Variants in TBC1D9 observed in about 807,000 individuals in gnomAD.
The protein encoded by TBC1D9 is TBC1 domain family member 9A.
In TBC1D9, 63 loss-of-function variants were observed where a neutral mutation model predicts 132.0. That is an observed-to-expected ratio of 0.48 (90% CI 0.39 to 0.59). The LOEUF (loss-of-function observed/expected upper bound fraction) is 0.59, where lower values mean the gene tolerates loss of function less well. Among genes scored for constraint, TBC1D9 ranks in the 20% least tolerant of loss-of-function variants. The pLI is 0.00. For synonymous variants in TBC1D9, 610 were observed against 609.9 expected (o/e 1.00, Z 0.00); for missense variants, 1,261 against 1,592.7 (o/e 0.79, Z 3.54).
In TBC1D9 at chr4:140,671,704, G is replaced by GTC. The variant is rs571103034; in HGVS notation, c.1060-779_1060-778insGA. On this transcript the variant is annotated intron_variant, in intron 6 of 20. Transcript: ENST00000442267. ...TGTGTGTGTGTGTGTGTGTGTGTGT[G>GTC]TGTGTGTGTGTGCCGAAGCCTACCA... Among the ~76,000 whole-genome samples the GTC allele has an allele frequency of 6.6e-5, 10 of 151,824 alleles. No individual in the cohort carries two copies. In the South Asian group the frequency reaches 1.5e-3, roughly 22 times the overall value.
chr4:140,642,593 ATCT>A lies in TBC1D9; in HGVS notation c.2338-3168_2338-3166del, dbSNP rs1312906080. On this transcript the variant is annotated intron_variant, in intron 13 of 20. Transcript: ENST00000442267. ...TGCCAACTGCTCCTGGTCGCTGTCC[ATCT>A]TCTTCTTCTTAATCTTCAGCTGACT... The A allele has an allele frequency of 4.9e-5, 44 of 896,254 alleles. No homozygotes were observed. In the Middle Eastern group the frequency reaches 6.7e-4, roughly 14 times the overall value. The allele number at this position is 896,254 out of a possible 1,614,324, so 55.5% of individuals were successfully genotyped here.
intron 1 of TBC1D9, among the ~76,000 whole-genome samples, chr4:140,740,154 C>T (rs1578863513): frequency 6.6e-6 from 1 of 152,132 alleles, no homozygotes; most frequent in African/African-American, 2.4e-5. Flanking sequence ...TCTCTAGACC[C>T]CTGAACTTCA....
chr4:140,730,135 C>T (rs1003038207), intron 1 of TBC1D9, among the ~76,000 whole-genome samples: 7 of 152,236 alleles, frequency 4.6e-5, no homozygotes, highest in African/African-American at 1.7e-4. Context: ...TTGAGTCCCA[C>T]TCTGATTCCA....
Position 140,739,837 on chromosome 4 carries a change from T to A in TBC1D9, c.130+16079A>T, listed in dbSNP as rs565549064. On this transcript the variant is annotated intron_variant, in intron 1 of 20. Coordinates refer to ENST00000442267, the MANE Select transcript of TBC1D9 (RefSeq NM_015130.3). ...AGGCAATAACAAGACCCTATCATAT[T>A]GAAAAAAAAAATTTTTTTTAAACAG... is the stretch of plus-strand genomic sequence containing the variant. Among the ~76,000 whole-genome samples, 4 of 152,128 alleles carry A rather than the reference T, an allele frequency of 2.6e-5. 1 individual carries two copies. The highest frequency in any genetic ancestry group is 9.6e-5 in the African/African-American group (4 of 41,520).
chr4:140,679,113 G>A lies in TBC1D9; in HGVS notation c.680C>T (p.Ser227Phe). Residue 227 changes from serine to phenylalanine, a missense_variant, in exon 5 of 21, where the codon TCC (serine) becomes TTC (phenylalanine). Ser to Phe is a radical substitution (Grantham distance 155). Transcript: ENST00000442267. Reference sequence around the variant, plus strand: ...GAATACAGAGAAGAAATGCTCACTGGACCGTGTGCTCACTTTGATCACATC... The same window carrying A: ...GAATACAGAGAAGAAATGCTCACTGAACCGTGTGCTCACTTTGATCACATC... Reference protein sequence around the residue: ...LPDVIKVSTRSSEHFFSVFLN... With the variant: ...LPDVIKVSTRFSEHFFSVFLN... 6.2e-7 allele frequency: 1 copy of A among 1,613,912 alleles called. No individual in the cohort carries two copies. Among genetic ancestry groups the A allele is most frequent in the African/African-American group, 1.3e-5 (1 of 75,022 alleles).
intron 3 of TBC1D9, among the ~76,000 whole-genome samples, chr4:140,680,838 C>T (rs546551680): frequency 6.6e-6 from 1 of 152,266 alleles, no homozygotes; most frequent in East Asian, 1.9e-4. Context: ...CTAGTGCATC[C>T]TTGATGCTCC....
chr4:140,650,025 A>T (rs1183649947), intron 13 of TBC1D9, among the ~76,000 whole-genome samples: 1 of 152,208 alleles, frequency 6.6e-6, no homozygotes, highest in Non-Finnish European at 1.5e-5. Context: ...TCTTTTGTCT[A>T]CCAGAAAGGG....
chr4:140,751,702 T>C (rs1189372079), intron 1 of TBC1D9, among the ~76,000 whole-genome samples: 1 of 152,198 alleles, frequency 6.6e-6, no homozygotes, highest in African/African-American at 2.4e-5. Context: ...ACAGTAGGCT[T>C]ATACCCAGAA....
chr4:140,660,938 G>A (rs933361712), intron 10 of TBC1D9, among the ~76,000 whole-genome samples: 8 of 151,290 alleles, frequency 5.3e-5, no homozygotes, highest in East Asian at 2.0e-4. Context: ...AATTTGAGAC[G>A]GAGTCTTGCT....
chr4:140,741,796 T>C (rs1738762171), intron 1 of TBC1D9, among the ~76,000 whole-genome samples: 1 of 152,154 alleles, frequency 6.6e-6, no homozygotes, highest in African/African-American at 2.4e-5. Flanking sequence ...ATCTACATAA[T>C]AAAAATCTTG....
chr4:140,715,865 G>A (rs933281716), intron 1 of TBC1D9: 6 of 152,150 alleles, frequency 3.9e-5, no homozygotes, highest in African/African-American at 1.4e-4. Flanking sequence ...TAACGTGGGA[G>A]CAATCTTCAG....
intron 1 of TBC1D9, among the ~76,000 whole-genome samples, chr4:140,733,975 T>C (rs1301960106): frequency 2.0e-5 from 3 of 152,146 alleles, no homozygotes; most frequent in Non-Finnish European, 4.4e-5. Flanking sequence ...CTTCCTTCTT[T>C]CTAATGAACC....
chr4:140,738,978 C>T (rs926510112), intron 1 of TBC1D9, among the ~76,000 whole-genome samples: 2 of 152,130 alleles, frequency 1.3e-5, no homozygotes, highest in African/African-American at 4.8e-5. Flanking sequence ...TCTACTAGCT[C>T]CCTCATTTCC....
rs916253445 is a variant in TBC1D9, at chr4:140,678,997, G to T, written c.796C>A (p.Arg266=). ...TTCCTTTTGAGTTTGGGCAGGGATC[G>T]ATCTTGTTCAAATCCCTCATTGTCT... ...LLDNEGFEQD[R]SLPKLKRKSP... Residue 266 remains arginine, a synonymous_variant, in exon 5 of 21, where the codon CGA becomes AGA. Coordinates refer to ENST00000442267, the MANE Select transcript of TBC1D9 (RefSeq NM_015130.3). The T allele has an allele frequency of 6.2e-7, 1 of 1,613,874 alleles. No individual in the cohort carries two copies.
chr4:140,624,291 CAT>C (rs1560863615), intron 19 of TBC1D9, 21 bp downstream of exon 19: 2 of 1,612,582 alleles, frequency 1.2e-6, no homozygotes, highest in Non-Finnish European at 1.7e-6. Flanking sequence ...AGAAGGTAAA[CAT>C]ATAGAAGAGA....
chr4:140,669,114 T>C (rs1003584172), intron 8 of TBC1D9, 47 bp from the exon 9 acceptor site: 4 of 1,596,774 alleles, frequency 2.5e-6, no homozygotes, highest in Middle Eastern at 1.7e-4. Context: ...ACCCTGAGGA[T>C]GGTAAGAGAA....
rs145501764 is a variant in TBC1D9 at position 140,694,454 on chromosome 4, C to T, written c.241+7050G>A. On this transcript the variant is annotated intron_variant, in intron 2 of 20. Coordinates refer to ENST00000442267, the MANE Select transcript of TBC1D9 (RefSeq NM_015130.3). The stretch of plus-strand genomic sequence containing the variant: ...GGAGTGGTGGCGTACACCTGTAGTC[C>T]CAGCTATGCGGGAGGGTGAGGCAGG... Among the ~76,000 whole-genome samples, 95 of 151,638 alleles carry T rather than the reference C, an allele frequency of 6.3e-4. 1 individual carries two copies. Among genetic ancestry groups the T allele is most frequent in the African/African-American group, 2.1e-3 (85 of 41,342 alleles).
Position 140,716,732 on chromosome 4 carries a change from T to C in TBC1D9, c.131-15118A>G, listed in dbSNP as rs560984645. Among the ~76,000 whole-genome samples the C allele has an allele frequency of 2.6e-5, 4 of 152,176 alleles. No homozygotes were observed. In the East Asian group the frequency reaches 5.8e-4, roughly 22 times the overall value. ...AAAAACACAAGGTGGGAGAAATTATTTTTATATTATTGATTAGTGAATGGG... is the reference window on the plus strand; with the variant it reads ...AAAAACACAAGGTGGGAGAAATTATCTTTATATTATTGATTAGTGAATGGG... On this transcript the variant is annotated intron_variant, in intron 1 of 20. Coordinates refer to ENST00000442267, the MANE Select transcript of TBC1D9 (RefSeq NM_015130.3).
At chr4:140,711,319 A>C (rs1738239731) in intron 1 of TBC1D9, among the ~76,000 whole-genome samples, 1 of 152,210 alleles carries the variant, frequency 6.6e-6, no homozygotes, top group South Asian at 2.1e-4. Flanking sequence ...GCCAAGGTCA[A>C]CCTTGAGAGG....
Sources: gnomAD v4.1 joint callset for allele counts (sites outside exome capture counted in the v4.1 genomes callset) on GRCh38, gnomAD v4.1.1 for gene constraint, MANE v1.5 for transcripts, NCBI Gene and HGNC (gene_info 2026-07-23, HGNC 2026-07-21) for gene names.